Variants in KCNQ3 observed in about 807,000 individuals in gnomAD.
KCNQ3 encodes the protein potassium voltage-gated channel subfamily KQT member 3.
In KCNQ3, 30 loss-of-function variants were observed where a neutral mutation model predicts 92.5. The ratio of observed to expected loss-of-function variants is 0.32; its 90% CI spans 0.24 to 0.44. The LOEUF (loss-of-function observed/expected upper bound fraction) is 0.44. Among genes scored for constraint, KCNQ3 ranks in the 20% least tolerant of loss-of-function variants. The pLI is 1.00. For synonymous variants in KCNQ3, 450 were observed against 468.8 expected (o/e 0.96, Z 0.52); for missense variants, 913 against 1,140.3 (o/e 0.80, Z 2.87).
At position 132,331,077 on chromosome 8, in the gene KCNQ3, C is replaced by T. The variant is rs145217839; in HGVS notation, c.387-144896G>A. On this transcript the variant is annotated intron_variant, in intron 1 of 14. Transcript: ENST00000388996. ...CTGGATGCTGTGCCCAGCAGGGGAA[C>T]AGGAGAAGCACTATTGCTAACACTC... Among the ~76,000 whole-genome samples the T allele has an allele frequency of 2.0e-5, 3 of 152,302 alleles. No homozygotes were observed. In the East Asian group the frequency reaches 5.8e-4, roughly 29 times the overall value.
chr8:132,462,315 G>A (rs1393880095), intron 1 of KCNQ3, among the ~76,000 whole-genome samples: 2 of 151,904 alleles, frequency 1.3e-5, no homozygotes, highest in South Asian at 2.1e-4. Flanking sequence ...TCAGCCACTC[G>A]AGTAGCTGGG....
intron 9 of KCNQ3, among the ~76,000 whole-genome samples, chr8:132,152,252 G>A (rs2957032): frequency 0.16 from 23,964 of 152,138 alleles, 2,181 homozygotes; most frequent in Middle Eastern, 0.23. Context: ...AGAGCTAACC[G>A]AATGAACTCA....
chr8:132,227,988 TAA>T (rs774939169), intron 1 of KCNQ3, among the ~76,000 whole-genome samples: 3 of 146,210 alleles, frequency 2.1e-5, no homozygotes, highest in African/African-American at 7.5e-5. Context: ...AAACAGAAGT[TAA>T]AAAAAAAAAC....
At chr8:132,478,645 C>T (rs113900220) in intron 1 of KCNQ3, among the ~76,000 whole-genome samples, 3 of 148,266 alleles carry the variant, frequency 2.0e-5, no homozygotes, top group Non-Finnish European at 4.5e-5. Context: ...CACACACACA[C>T]ATACACACGC....
Position 132,126,036 on chromosome 8 carries a change from T to C in KCNQ3, c.*3226A>G, listed in dbSNP as rs1204275166. 8 of 152,234 alleles carry C rather than the reference T, an allele frequency of 5.3e-5. No homozygotes were observed. Among genetic ancestry groups the C allele is most frequent in the Admixed American group, 5.2e-4 (8 of 15,280 alleles). 9.4% of individuals were successfully genotyped at this position (152,234 alleles called of 1,614,324 possible). A position where few individuals can be genotyped will look rare whatever the true frequency, so the allele number is the denominator to read the frequency against. The stretch of plus-strand genomic sequence containing the variant: ...TGTGAAGTTGATTTATCTAATTCAT[T>C]TTGATCTTGCTAAAATATGACCTTT... On this transcript the variant is annotated 3_prime_UTR_variant, in exon 15 of 15. Transcript: ENST00000388996.
In KCNQ3 at chr8:132,172,717, G is replaced by A. The variant is rs549470875; in HGVS notation, c.1045-24C>T. The A allele has an allele frequency of 1.9e-5, 30 of 1,566,376 alleles. No individual in the cohort carries two copies. The East Asian group carries it at 5.1e-4, about 27-fold the overall frequency. ...CCCTGGAGGGAGAGGCAGGCAGGCAGTCAGCCCCCAGCTAGACTGTCCCAG... is the reference window on the plus strand; with the variant it reads ...CCCTGGAGGGAGAGGCAGGCAGGCAATCAGCCCCCAGCTAGACTGTCCCAG... On this transcript the variant is annotated intron_variant, in intron 6 of 14. Coordinates refer to ENST00000388996, the MANE Select transcript of KCNQ3 (RefSeq NM_004519.4).
chr8:132,342,390 G>T (rs146064396), intron 1 of KCNQ3, among the ~76,000 whole-genome samples: 1 of 151,004 alleles, frequency 6.6e-6, no homozygotes, highest in Non-Finnish European at 1.5e-5. Flanking sequence ...CCCAATTCTC[G>T]CCTTCTCAGG....
intron 1 of KCNQ3, among the ~76,000 whole-genome samples, chr8:132,395,848 A>C (rs967409717): frequency 6.6e-6 from 1 of 152,214 alleles, no homozygotes; most frequent in African/African-American, 2.4e-5. Context: ...CATCTCAGCA[A>C]AGAGGAGGAA....
chr8:132,313,118 T>C (rs1479039481), intron 1 of KCNQ3, among the ~76,000 whole-genome samples: 1 of 152,154 alleles, frequency 6.6e-6, no homozygotes, highest in East Asian at 1.9e-4. Context: ...TGTTGGCAAA[T>C]GCTGGCCTAG....
chr8:132,363,587 T>C (rs948173720), intron 1 of KCNQ3, among the ~76,000 whole-genome samples: 15 of 152,032 alleles, frequency 9.9e-5, no homozygotes, highest in Admixed American at 7.2e-4. Context: ...CCTGTGTTCC[T>C]CAAGTCTACA....
chr8:132,293,910 T>C (rs16904650), intron 1 of KCNQ3, among the ~76,000 whole-genome samples: 3,884 of 152,100 alleles, frequency 0.026, 184 homozygotes, highest in African/African-American at 0.088. Flanking sequence ...CCATCAACCA[T>C]GTTACTGAAA....
chr8:132,250,084 C>A (rs1033961120), intron 1 of KCNQ3, among the ~76,000 whole-genome samples: 3 of 152,212 alleles, frequency 2.0e-5, no homozygotes, highest in African/African-American at 4.8e-5. Flanking sequence ...CAGCCTCAGA[C>A]AGCCCAGAGA....
intron 9 of KCNQ3, among the ~76,000 whole-genome samples, chr8:132,142,456 T>C (rs1253565054): frequency 1.3e-5 from 2 of 152,098 alleles, no homozygotes; most frequent in Non-Finnish European, 2.9e-5. Flanking sequence ...CGGCATAGAG[T>C]GTGACACAGA....
intron 1 of KCNQ3, among the ~76,000 whole-genome samples, chr8:132,223,719 T>C (rs1267080155): frequency 6.6e-6 from 1 of 152,154 alleles, no homozygotes; most frequent in Non-Finnish European, 1.5e-5. Context: ...GGATTAATCT[T>C]AAATTTTTAT....
At chr8:132,214,950 C>A (rs1813978378) in intron 1 of KCNQ3, among the ~76,000 whole-genome samples, 1 of 152,262 alleles carries the variant, frequency 6.6e-6, no homozygotes, top group Non-Finnish European at 1.5e-5. Context: ...TCCAAACCCT[C>A]TGACTTCTGC....
chr8:132,262,165 A>G (rs1184089720), intron 1 of KCNQ3, among the ~76,000 whole-genome samples: 1 of 152,210 alleles, frequency 6.6e-6, no homozygotes. Context: ...GCAAATGTCC[A>G]TAATAGGCAA....
At chr8:132,458,601 T>A (rs928000941) in intron 1 of KCNQ3, among the ~76,000 whole-genome samples, 27 of 152,268 alleles carry the variant, frequency 1.8e-4, no homozygotes, top group African/African-American at 6.5e-4. Context: ...ACTACAGACA[T>A]GCACCAAAAC....
intron 9 of KCNQ3, among the ~76,000 whole-genome samples, chr8:132,158,061 T>A (rs898524099): frequency 1.3e-5 from 2 of 152,186 alleles, no homozygotes; most frequent in Admixed American, 1.3e-4. Flanking sequence ...CTTCAGGACA[T>A]ATCTGGGATC....
intron 1 of KCNQ3, among the ~76,000 whole-genome samples, chr8:132,264,097 G>A (rs1422102224): frequency 6.6e-6 from 1 of 152,190 alleles, no homozygotes; most frequent in African/African-American, 2.4e-5. Context: ...TGCTCAAGTT[G>A]ACCCAGCTAG....
Sources: allele counts gnomAD v4.1 joint callset (sites outside exome capture counted in the v4.1 genomes callset), GRCh38; gene constraint gnomAD v4.1.1; transcripts MANE v1.5; gene names NCBI Gene and HGNC (gene_info 2026-07-23, HGNC 2026-07-21).